The following SLC9A9 variants were observed in gnomAD, a reference collection of about 807,000 sequenced individuals.
SLC9A9 encodes sodium/hydrogen exchanger 9.
In SLC9A9, 62 loss-of-function variants were observed where a neutral mutation model predicts 77.8. The observed-to-expected ratio is 0.80, with a 90% confidence interval of 0.65 to 0.98. SLC9A9 has a LOEUF of 0.98. Ranked by LOEUF, SLC9A9 falls within the 50% of genes least tolerant of loss-of-function variation. The pLI, the probability that SLC9A9 is intolerant of heterozygous loss-of-function variation, is 0.00. For missense variants in SLC9A9, 775 were observed against 774.9 expected (o/e 1.00, Z 0.00); for synonymous variants, 320 against 283.5 (o/e 1.13, Z -1.29).
chr3:143,347,036 C>T (rs2032300796), intron 14 of SLC9A9: 1 of 152,174 alleles, frequency 6.6e-6, no homozygotes, highest in Non-Finnish European at 1.5e-5. Flanking sequence ...ATTTTCTCCT[C>T]ACCATGTAAG....
At chr3:143,807,014 T>C (rs1390508772) in intron 2 of SLC9A9, among the ~76,000 whole-genome samples, 1 of 152,228 alleles carries the variant, frequency 6.6e-6, no homozygotes, top group African/African-American at 2.4e-5. Flanking sequence ...CCCTTCACCC[T>C]TCCTCATACT....
chr3:143,769,191 C>T (rs74805170), intron 4 of SLC9A9, among the ~76,000 whole-genome samples: 1,767 of 152,148 alleles, frequency 0.012, 31 homozygotes, highest in African/African-American at 0.041. Context: ...AAATAAGGAG[C>T]TGCCAAAGTA....
chr3:143,552,312 C>A (rs544914997), intron 9 of SLC9A9, 50 bp downstream of exon 9: 19 of 1,358,594 alleles, frequency 1.4e-5, no homozygotes, highest in Non-Finnish European at 2.0e-5. Flanking sequence ...TGCTACATAA[C>A]CATTTCACTG....
intron 6 of SLC9A9, among the ~76,000 whole-genome samples, chr3:143,640,145 C>T (rs776806719): frequency 9.9e-5 from 15 of 151,652 alleles, no homozygotes; most frequent in Non-Finnish European, 1.8e-4. Context: ...CCTCAGCCTC[C>T]CAGTTAGCTG....
chr3:143,750,197 C>T (rs569625663), intron 4 of SLC9A9, among the ~76,000 whole-genome samples: 1 of 152,236 alleles, frequency 6.6e-6, no homozygotes, highest in African/African-American at 2.4e-5. Flanking sequence ...GACAATGCAC[C>T]AAAAGGGCCT....
chr3:143,627,640 C>T (rs559187735), intron 6 of SLC9A9: 3 of 257,938 alleles, frequency 1.2e-5, no homozygotes, highest in Admixed American at 8.7e-5. Flanking sequence ...AAGGACTGTG[C>T]TGTACAGGTT....
intron 12 of SLC9A9, among the ~76,000 whole-genome samples, chr3:143,417,707 T>G (rs1389398902): frequency 6.6e-6 from 1 of 151,950 alleles, no homozygotes; most frequent in African/African-American, 2.4e-5. Flanking sequence ...TGCCAGCACT[T>G]TGATATTGGT....
intron 5 of SLC9A9, among the ~76,000 whole-genome samples, chr3:143,672,370 CAAAA>C (rs2039170857): frequency 1.3e-5 from 2 of 151,998 alleles, no homozygotes; most frequent in East Asian, 3.9e-4. Flanking sequence ...GTGATCCAAA[CAAAA>C]GAAATCAATG....
chr3:143,484,141 G>A (rs2035617874), intron 11 of SLC9A9, among the ~76,000 whole-genome samples: 2 of 152,196 alleles, frequency 1.3e-5, no homozygotes, highest in Non-Finnish European at 2.9e-5. Flanking sequence ...AGGCCAACTA[G>A]ATTGTGTCAG....
intron 5 of SLC9A9, among the ~76,000 whole-genome samples, chr3:143,680,036 A>G (rs1933034673): frequency 6.6e-6 from 1 of 152,158 alleles, no homozygotes; most frequent in Admixed American, 6.5e-5. Context: ...AAGAGATAAA[A>G]GTACAATTTT....
intron 8 of SLC9A9, among the ~76,000 whole-genome samples, chr3:143,565,407 C>T (rs954072976): frequency 1.4e-4 from 21 of 152,108 alleles, no homozygotes; most frequent in African/African-American, 5.1e-4. Context: ...CTCCTGGCAC[C>T]ATGAAGAGTT....
chr3:143,364,816 C>A (rs1236067797), intron 13 of SLC9A9, among the ~76,000 whole-genome samples: 1 of 152,166 alleles, frequency 6.6e-6, no homozygotes, highest in Non-Finnish European at 1.5e-5. Flanking sequence ...TTGTCTTTTT[C>A]ATTGATTGTC....
intron 9 of SLC9A9, among the ~76,000 whole-genome samples, chr3:143,504,925 G>A (rs1027667211): frequency 2.0e-5 from 3 of 152,108 alleles, no homozygotes; most frequent in South Asian, 2.1e-4. Context: ...CATTGTATAC[G>A]ATTCAGGCTC....
chr3:143,507,332 C>T lies in SLC9A9; in HGVS notation c.1090-11884G>A, dbSNP rs571789254. On this transcript the variant is annotated intron_variant, in intron 9 of 15. Transcript: ENST00000316549. ...ACGCCATTCTCCTGCCTCAGCCTCC[C>T]GAGTAGCTGGGACTACAGGTGCCCG... Among the ~76,000 whole-genome samples, 44 of 152,208 alleles carry T rather than the reference C, an allele frequency of 2.9e-4. 1 individual carries two copies. The highest frequency in any genetic ancestry group is 9.7e-4 in the East Asian group (5 of 5,170).
intron 4 of SLC9A9, among the ~76,000 whole-genome samples, chr3:143,789,819 C>G (rs912330203): frequency 3.9e-5 from 6 of 152,106 alleles, no homozygotes; most frequent in African/African-American, 1.4e-4. Context: ...CAGTCCTATG[C>G]TGTGTATATT....
At chr3:143,377,866 C>T (rs866354192) in intron 13 of SLC9A9, among the ~76,000 whole-genome samples, 8 of 152,160 alleles carry the variant, frequency 5.3e-5, no homozygotes, top group East Asian at 1.9e-4. Flanking sequence ...TTTCTCCATC[C>T]GCTCCCACCT....
intron 5 of SLC9A9, among the ~76,000 whole-genome samples, chr3:143,661,496 C>T (rs911126363): frequency 6.6e-6 from 1 of 152,104 alleles, no homozygotes; most frequent in Non-Finnish European, 1.5e-5. Flanking sequence ...CCAAGTGCTC[C>T]CCTCCTTTGT....
chr3:143,645,964 A>T (rs2038700343), intron 6 of SLC9A9, among the ~76,000 whole-genome samples: 1 of 151,964 alleles, frequency 6.6e-6, no homozygotes, highest in South Asian at 2.1e-4. Flanking sequence ...TTTCAGTACA[A>T]CAATAGCAGT....
chr3:143,436,102 C>T (rs952965193), intron 12 of SLC9A9, among the ~76,000 whole-genome samples: 1 of 152,192 alleles, frequency 6.6e-6, no homozygotes, highest in Non-Finnish European at 1.5e-5. Flanking sequence ...TCTCTTGCTC[C>T]GAGTTCCATC....
Sources: allele counts gnomAD v4.1 joint callset (sites outside exome capture counted in the v4.1 genomes callset), GRCh38; gene constraint gnomAD v4.1.1; transcripts MANE v1.5; gene names NCBI Gene and HGNC (gene_info 2026-07-23, HGNC 2026-07-21).